The following CCL26 variants were observed in gnomAD, a reference collection of about 807,000 sequenced individuals.
CCL26 encodes C-C motif chemokine 26.
A neutral mutation model predicts 10.7 loss-of-function variants in CCL26; 10 were observed. The ratio of observed to expected loss-of-function variants is 0.93; its 90% confidence interval spans 0.57 to 1.58. The LOEUF is 1.58. Ranked by LOEUF, CCL26 falls within the 40% of genes most tolerant of loss-of-function variation. The pLI is 0.00. For missense variants in CCL26, 116 were observed against 111.0 expected, an observed-to-expected ratio of 1.05 and a Z score of -0.20; for synonymous variants, 43 against 41.4, an observed-to-expected ratio of 1.04 and a Z score of -0.15.
intron 2 of CCL26, among the ~76,000 whole-genome samples, chr7:75,771,041 C>T (rs1183060753): frequency 1.3e-5 from 2 of 152,022 alleles, no homozygotes; most frequent in African/African-American, 2.4e-5. Context: ...AAAATCCTGG[C>T]ACCAATCCCC....
At chr7:75,784,286 A>C (rs1044066540) in intron 1 of CCL26, among the ~76,000 whole-genome samples, 1 of 152,150 alleles carries the variant, frequency 6.6e-6, no homozygotes, top group Admixed American at 6.5e-5. Context: ...GTGGGACCCC[A>C]CTGGAAATCG....
chr7:75,770,390 A>AT lies in CCL26; in HGVS notation c.189-602dup, dbSNP rs201473231. On this transcript the variant is annotated intron_variant, in intron 2 of 2. Transcript: ENST00000005180. ...TAGCCTTTATTTTGTTTTATTTTTT[A>AT]TTTTTTTTGAGACGGAGTTTCACTC... Among the ~76,000 whole-genome samples the AT allele has an allele frequency of 7.8e-3, 1,141 of 146,300 alleles. 17 individuals carry two copies. The highest frequency in any genetic ancestry group is 0.027 in the African/African-American group (1,070 of 39,450).
upstream of CCL26, among the ~76,000 whole-genome samples, chr7:75,774,637 G>A (rs1402628464): frequency 6.7e-6 from 1 of 149,380 alleles, no homozygotes; most frequent in Non-Finnish European, 1.5e-5. Context: ...GTAGAGACAG[G>A]GTTTCACTAT....
At chr7:75,776,941 G>A (rs782432113), upstream of CCL26, among the ~76,000 whole-genome samples, 16 of 151,966 alleles carry the variant, frequency 1.1e-4, no homozygotes, top group African/African-American at 2.9e-4. Context: ...CGTCAGAAAC[G>A]TGTTCATGGC....
chr7:75,770,733 G>T (rs1802802862), intron 2 of CCL26, among the ~76,000 whole-genome samples: 1 of 151,696 alleles, frequency 6.6e-6, no homozygotes, highest in African/African-American at 2.4e-5. Context: ...CTGGAGTGCA[G>T]TGGCGCGATC....
chr7:75,771,617 G>A (rs1554528089), intron 2 of CCL26, among the ~76,000 whole-genome samples: 1 of 152,200 alleles, frequency 6.6e-6, no homozygotes, highest in East Asian at 1.9e-4. Flanking sequence ...TTGGGAGGCT[G>A]AGGCAGGAAA....
In CCL26 at chr7:75,769,567, TG is replaced by T. The variant is rs1554527856; in HGVS notation, c.*125del. The T allele has an allele frequency of 1.7e-6, 1 of 598,060 alleles. No homozygotes were observed. Among genetic ancestry groups the T allele is most frequent in the Non-Finnish European group, 3.1e-6 (1 of 326,954 alleles). 37.0% of individuals were successfully genotyped at this position (598,060 alleles called of 1,614,324 possible). Reference sequence around the variant, plus strand: ...TGAACAACCTTTATTAAAGTAACTCTGGGAGGAAACACCCTCTCCTCCCCAG... The same window carrying T: ...TGAACAACCTTTATTAAAGTAACTCTGGAGGAAACACCCTCTCCTCCCCAG... On this transcript the variant is annotated 3_prime_UTR_variant, in exon 3 of 3. Coordinates refer to ENST00000005180, the MANE Select transcript of CCL26 (RefSeq NM_001371938.1).
chr7:75,779,752 C>T (rs1191692983), intron 1 of CCL26, among the ~76,000 whole-genome samples: 2 of 152,248 alleles, frequency 1.3e-5, no homozygotes, highest in Non-Finnish European at 2.9e-5. Context: ...CTTGGTCATT[C>T]ACCCACATTC....
At chr7:75,772,404 C>A, upstream of CCL26, 1 of 546,208 alleles carries the variant, frequency 1.8e-6, no homozygotes. Flanking sequence ...TGCCTGTGAT[C>A]ACAGCACTCT....
intron 1 of CCL26, among the ~76,000 whole-genome samples, chr7:75,787,481 A>G (rs1238923782): frequency 1.3e-5 from 2 of 151,730 alleles, no homozygotes; most frequent in African/African-American, 4.8e-5. Context: ...CGTCTGTACT[A>G]AAAATACAAA....
At chr7:75,774,887 T>C (rs1554528556), upstream of CCL26, among the ~76,000 whole-genome samples, 1 of 152,020 alleles carries the variant, frequency 6.6e-6, no homozygotes, top group African/African-American at 2.4e-5. Context: ...GCCACTGCAC[T>C]CCAGCCTAGG....
intron 2 of CCL26, among the ~76,000 whole-genome samples, chr7:75,770,184 C>G (rs1455751430): frequency 1.3e-5 from 2 of 151,896 alleles, no homozygotes; most frequent in Non-Finnish European, 2.9e-5. Context: ...ATGCTCCTGC[C>G]TCAGACTCCC....
At chr7:75,788,610 G>T (rs1554530315) in intron 1 of CCL26, among the ~76,000 whole-genome samples, 1 of 151,910 alleles carries the variant, frequency 6.6e-6, no homozygotes, top group Non-Finnish European at 1.5e-5. Context: ...GTGGTGGTGT[G>T]CGTCTGTAAT....
intron 1 of CCL26, among the ~76,000 whole-genome samples, chr7:75,777,420 T>C (rs1186463107): frequency 6.6e-6 from 1 of 152,060 alleles, no homozygotes; most frequent in Non-Finnish European, 1.5e-5. Context: ...GAACTACAGT[T>C]ACTTGCAACT....
At chr7:75,788,141 T>G (rs1459849820) in intron 1 of CCL26, among the ~76,000 whole-genome samples, 2 of 152,138 alleles carry the variant, frequency 1.3e-5, no homozygotes, top group East Asian at 1.9e-4. Context: ...TTTATTTTTC[T>G]TATTAATATA....
upstream of CCL26, among the ~76,000 whole-genome samples, chr7:75,776,607 A>G: frequency 6.6e-6 from 1 of 151,682 alleles, no homozygotes; most frequent in African/African-American, 2.4e-5. Flanking sequence ...CAAGAAAGAA[A>G]GAAAGAAGAA....
At chr7:75,778,994 G>C (rs1022255080) in intron 1 of CCL26, among the ~76,000 whole-genome samples, 12 of 152,120 alleles carry the variant, frequency 7.9e-5, no homozygotes, top group Admixed American at 1.3e-4. Context: ...AGTAACTGAA[G>C]AATCACAAAA....
chr7:75,786,270 C>T (rs1333349001), intron 1 of CCL26, among the ~76,000 whole-genome samples: 2 of 152,160 alleles, frequency 1.3e-5, no homozygotes, highest in African/African-American at 2.4e-5. Flanking sequence ...TCACCCTGAT[C>T]ACATTTGGTT....
At chr7:75,779,231 C>T (rs965783818) in intron 1 of CCL26, among the ~76,000 whole-genome samples, 1 of 152,126 alleles carries the variant, frequency 6.6e-6, no homozygotes, top group Non-Finnish European at 1.5e-5. Context: ...ACTCAGCCCG[C>T]CTGCACTCAG....
Sources: gnomAD v4.1 joint callset for allele counts (sites outside exome capture counted in the v4.1 genomes callset) on GRCh38, gnomAD v4.1.1 for gene constraint, MANE v1.5 for transcripts, NCBI Gene and HGNC (gene_info 2026-07-23, HGNC 2026-07-21) for gene names.